Variants in SORBS2 observed in about 807,000 individuals in gnomAD.
SORBS2 encodes the protein sorbin and SH3 domain-containing protein 2.
SORBS2 carries 46 observed loss-of-function variants against 97.7 expected under a neutral mutation model. The observed-to-expected ratio is 0.47, with a 90% CI of 0.37 to 0.60. The LOEUF is 0.60. Among genes scored for constraint, SORBS2 ranks in the 20% least tolerant of loss-of-function variants. SORBS2 has a pLI of 0.00. For synonymous variants in SORBS2, 476 were observed against 473.4 expected (o/e 1.01, Z -0.07); for missense variants, 1,316 against 1,282.3 (o/e 1.03, Z -0.40).
Position 185,606,541 on chromosome 4 carries a change from G to T in SORBS2, c.2796+5239C>A. On this transcript the variant is annotated intron_variant, in intron 12 of 14. Coordinates refer to ENST00000418609, the Ensembl canonical transcript of SORBS2. This position sits in a 1 kb window ranked among gnomAD's most constrained non-coding sequence, Gnocchi z 4.3. ...TGATTAACTCTAATAGCTAATCATG[G>T]TAAGGCCGGTTAGTTCTTCCATAAT... 2 of 984,962 alleles carry T rather than the reference G, an allele frequency of 2.0e-6. No individual in the cohort carries two copies. The highest frequency in any genetic ancestry group is 2.4e-6 in the Non-Finnish European group (2 of 829,598). The allele number at this position is 984,962 out of a possible 1,614,324, so 61.0% of individuals were successfully genotyped here. A position where few individuals can be genotyped will look rare whatever the true frequency, so the allele number is the denominator to read the frequency against.
At chr4:185,641,222 T>C (rs1581611186) in intron 4 of SORBS2, among the ~76,000 whole-genome samples, 1 of 152,176 alleles carries the variant, frequency 6.6e-6, no homozygotes, top group African/African-American at 2.4e-5. Context: ...CTTTTGTTTA[T>C]TTAAATAGTC....
At chr4:185,598,201 A>G (rs2096162756) in intron 12 of SORBS2, among the ~76,000 whole-genome samples, 1 of 152,070 alleles carries the variant, frequency 6.6e-6, no homozygotes, top group African/African-American at 2.4e-5. Flanking sequence ...TATTATGCTT[A>G]TATTTCCTTG....
At chr4:185,619,229 C>T (rs2096673715) in intron 8 of SORBS2, among the ~76,000 whole-genome samples, 1 of 152,186 alleles carries the variant, frequency 6.6e-6, no homozygotes, top group Non-Finnish European at 1.5e-5. Flanking sequence ...TGTGATGTGA[C>T]ACGTGCCCAT....
chr4:185,886,390 C>T (rs12504077), intron 1 of SORBS2, among the ~76,000 whole-genome samples: 33,024 of 151,490 alleles, frequency 0.22, 4,048 homozygotes, highest in East Asian at 0.53. Context: ...CCCATCTCTA[C>T]TAAAAATACA....
At chr4:185,826,117 C>A (rs893687790) in intron 1 of SORBS2, among the ~76,000 whole-genome samples, 1 of 152,200 alleles carries the variant, frequency 6.6e-6, no homozygotes, top group African/African-American at 2.4e-5. Context: ...TCAGCGACAC[C>A]TCATGAAATG....
chr4:185,622,001 G>A (rs942072320), intron 7 of SORBS2, among the ~76,000 whole-genome samples: 16 of 152,264 alleles, frequency 1.1e-4, no homozygotes, highest in South Asian at 4.1e-4. Flanking sequence ...CTTTCAGCCC[G>A]GAATGTTCAT....
chr4:185,630,633 T>G lies in SORBS2; in HGVS notation c.397-35A>C, dbSNP rs755278357. ...TAGGATAATAGTACCATGAAAAATT[T>G]TACCGTGGCAAAATTTTGTTCACTT... On this transcript the variant is annotated intron_variant, in intron 4 of 14. Coordinates refer to ENST00000418609, the Ensembl canonical transcript of SORBS2. 4.3e-6 allele frequency: 6 copies of G among 1,387,154 alleles called. No homozygotes were observed. In the African/African-American group the frequency reaches 7.2e-5, roughly 17 times the overall value. 85.9% of individuals were successfully genotyped at this position (1,387,154 alleles called of 1,614,324 possible).
In SORBS2 at chr4:185,919,760, AG is replaced by A. The variant is rs1190038793; in HGVS notation, c.-338+36435del. ...ACAATGGTTTGCTTCACCGTTTATC[AG>A]TAATCTCTTATCTTCTCTTTCCTTT... On this transcript the variant is annotated intron_variant, in intron 1 of 20. Coordinates refer to the SORBS2 transcript ENST00000284776. 5.9e-4 allele frequency among the ~76,000 whole-genome samples: 90 copies of A among 152,356 alleles called. 1 individual carries two copies. The highest frequency in any genetic ancestry group is 2.0e-3 in the African/African-American group (85 of 41,580).
intron 2 of SORBS2, among the ~76,000 whole-genome samples, chr4:185,760,558 T>A (rs968680232): frequency 6.6e-6 from 1 of 151,362 alleles, no homozygotes; most frequent in African/African-American, 2.5e-5. Context: ...AGTGAAACTT[T>A]GTCTCAAAAA....
intron 1 of SORBS2, among the ~76,000 whole-genome samples, chr4:185,875,761 A>G (rs1193858707): frequency 6.6e-6 from 1 of 152,260 alleles, no homozygotes; most frequent in Non-Finnish European, 1.5e-5. Context: ...GTGCATATGT[A>G]ACTACACATG....
Position 185,827,328 on chromosome 4 carries a change from CATCATCATCAT to C in SORBS2, c.-337-51973_-337-51963del, listed in dbSNP as rs1561211318. Among the ~76,000 whole-genome samples, 30 of 24,984 alleles carry C rather than the reference CATCATCATCAT, an allele frequency of 1.2e-3. 1 individual carries two copies. Among genetic ancestry groups the C allele is most frequent in the Non-Finnish European group, 1.6e-3 (21 of 12,994 alleles). The allele number at this position is 24,984 out of a possible 152,430, so 16.4% of individuals were successfully genotyped here. On this transcript the variant is annotated intron_variant, in intron 1 of 20. Coordinates refer to the SORBS2 transcript ENST00000284776. ...CCATCATCACCATCATCACCATCAT[CATCATCATCAT>C]CATCATCATCATCATCATCATCATC...
intron 4 of SORBS2, among the ~76,000 whole-genome samples, chr4:185,667,521 A>G (rs6835354): frequency 0.99 from 150,420 of 151,988 alleles, 74,451 homozygotes; most frequent in Middle Eastern, 1. Context: ...AAATTCATAC[A>G]TACAGAAAGT....
chr4:185,785,318 G>A (rs1584800733), intron 1 of SORBS2, among the ~76,000 whole-genome samples: 2 of 151,952 alleles, frequency 1.3e-5, no homozygotes, highest in African/African-American at 4.8e-5. Context: ...TTGATTAGGC[G>A]GCCGGTGAAT....
intron 1 of SORBS2, among the ~76,000 whole-genome samples, chr4:185,827,720 C>T (rs796757691): frequency 1.3e-5 from 1 of 78,464 alleles, no homozygotes; most frequent in Non-Finnish European, 2.8e-5. Flanking sequence ...ATCACCATCA[C>T]CATCATCACC....
chr4:185,932,560 G>T (rs1014030363), intron 1 of SORBS2, among the ~76,000 whole-genome samples: 1 of 152,048 alleles, frequency 6.6e-6, no homozygotes, highest in South Asian at 2.1e-4. Context: ...TAAGCCTACC[G>T]CACGGCATTT....
At chr4:185,744,506 A>G (rs2098748330) in intron 2 of SORBS2, among the ~76,000 whole-genome samples, 1 of 152,248 alleles carries the variant, frequency 6.6e-6, no homozygotes, top group Admixed American at 6.5e-5. Flanking sequence ...ATAGAAGAAT[A>G]TTGATAAATT....
At chr4:185,748,043 G>A (rs1340299928) in intron 2 of SORBS2, among the ~76,000 whole-genome samples, 5 of 152,036 alleles carry the variant, frequency 3.3e-5, no homozygotes, top group Non-Finnish European at 7.4e-5. Context: ...TTTCTCCCTG[G>A]CTCATTTTAA....
chr4:185,619,711 G>T (rs1446596884), intron 8 of SORBS2, among the ~76,000 whole-genome samples: 2 of 152,158 alleles, frequency 1.3e-5, no homozygotes, highest in Non-Finnish European at 2.9e-5. Flanking sequence ...CTTTCTCCTG[G>T]ACCAGCGGGC....
intron 12 of SORBS2, 115 bp downstream of exon 24, chr4:185,611,665 A>C: frequency 1.3e-6 from 1 of 780,294 alleles, no homozygotes; most frequent in South Asian, 2.0e-5. Context: ...CATAATATGT[A>C]AATCTCTTTC....
Sources: gnomAD v4.1 joint callset for allele counts (sites outside exome capture counted in the v4.1 genomes callset) on GRCh38, gnomAD v4.1.1 for gene constraint, Gnocchi (gnomAD v3.1) non-coding constraint, MANE v1.5 for transcripts, NCBI Gene and HGNC (gene_info 2026-07-23, HGNC 2026-07-21) for gene names.